Variants in TMEM87A observed in about 807,000 individuals in gnomAD.
TMEM87A encodes Golgi-pH regulating cation channel.
Under a neutral mutation model 90.0 loss-of-function variants are expected in TMEM87A, and 50 were observed. That is an observed-to-expected ratio of 0.56 (90% confidence interval 0.44 to 0.70). The LOEUF (loss-of-function observed/expected upper bound fraction) is 0.70. Ranked by LOEUF, TMEM87A falls within the 30% of genes least tolerant of loss-of-function variation. The pLI, the probability that TMEM87A is intolerant of heterozygous loss-of-function variation, is 0.00. For synonymous variants in TMEM87A, 226 were observed against 226.7 expected, an observed-to-expected ratio of 1.00 and a Z score of 0.03; for missense variants, 577 against 660.5, an observed-to-expected ratio of 0.87 and a Z score of 1.39.
chr15:42,268,619 A>G (rs1252477973), intron 2 of TMEM87A, among the ~76,000 whole-genome samples: 12 of 152,322 alleles, frequency 7.9e-5, no homozygotes, highest in East Asian at 1.9e-4. Flanking sequence ...GTGAGCCATG[A>G]TGGTACCACT....
At chr15:42,261,714 A>C (rs979735123) in intron 4 of TMEM87A, among the ~76,000 whole-genome samples, 2 of 151,232 alleles carry the variant, frequency 1.3e-5, no homozygotes, top group African/African-American at 4.9e-5. Context: ...GCTCACTGCA[A>C]GCTCCGCCTC....
Position 42,211,664 on chromosome 15 carries a change from C to T in TMEM87A, c.*44G>A, listed in dbSNP as rs755874503. 1.3e-6 allele frequency: 2 copies of T among 1,589,408 alleles called. No homozygotes were observed. The highest frequency in any genetic ancestry group is 4.5e-5 in the East Asian group (2 of 44,746). On this transcript the variant is annotated 3_prime_UTR_variant, in exon 20 of 20. Transcript: ENST00000389834. Reference sequence around the variant, plus strand: ...AGAAGACTGACACAGATGCTGATCTCTTCCCTGATGGTAGCCATCTTTAAC... The same window carrying T: ...AGAAGACTGACACAGATGCTGATCTTTTCCCTGATGGTAGCCATCTTTAAC...
rs1370908622 is a variant in TMEM87A, at chr15:42,273,360, A to G, written c.39T>C (p.Ile13=). The G allele has an allele frequency of 6.2e-7, 1 of 1,613,964 alleles. No individual in the cohort carries two copies. Among genetic ancestry groups the G allele is most frequent in the African/African-American group, 1.3e-5 (1 of 74,910 alleles). ...ACGGGTGAGCTCCCAGAAGCAGAAG[A>G]ATGACAGGCAACACCTGAAGCCACG... The part of the protein sequence containing the change: ...AAAWLQVLPV[I]LLLLGAHPSP... Residue 13 remains isoleucine (I), a synonymous_variant, in exon 1 of 20, where the codon ATT becomes ATC. Transcript: ENST00000389834.
intron 6 of TMEM87A, among the ~76,000 whole-genome samples, chr15:42,250,496 G>A (rs1015778357): frequency 4.6e-5 from 7 of 152,196 alleles, no homozygotes; most frequent in African/African-American, 1.7e-4. Context: ...TTGCTTGTCT[G>A]TAAAGGATTT....
At chr15:42,213,881 T>C (rs1044030994) in intron 19 of TMEM87A, among the ~76,000 whole-genome samples, 1 of 151,412 alleles carries the variant, frequency 6.6e-6, no homozygotes, top group Non-Finnish European at 1.5e-5. Context: ...AGAAGATAAA[T>C]CTCTGGAAAC....
chr15:42,227,417 CTTAAGA>C (rs967789944), intron 14 of TMEM87A, among the ~76,000 whole-genome samples: 2 of 152,096 alleles, frequency 1.3e-5, no homozygotes, highest in African/African-American at 4.8e-5. Flanking sequence ...CTCTGGACTT[CTTAAGA>C]TTTTTAGTTA....
At chr15:42,229,305 G>C (rs1376172298) in intron 12 of TMEM87A, among the ~76,000 whole-genome samples, 1 of 151,884 alleles carries the variant, frequency 6.6e-6, no homozygotes, top group Middle Eastern at 3.4e-3. Flanking sequence ...TACCTGGCCG[G>C]AAGTCATCAT....
At chr15:42,265,109 T>C (rs1290388757) in intron 3 of TMEM87A, among the ~76,000 whole-genome samples, 2 of 152,224 alleles carry the variant, frequency 1.3e-5, no homozygotes, top group Non-Finnish European at 2.9e-5. Context: ...CAGTTTACCA[T>C]TGATGGGCAT....
chr15:42,227,632 G>C, intron 14 of TMEM87A, 79 bp downstream of exon 14: 1 of 1,349,160 alleles, frequency 7.4e-7, no homozygotes, highest in Non-Finnish European at 1.1e-6. Flanking sequence ...ATATAACTTA[G>C]AAGAACCTTA....
At chr15:42,266,916 C>T (rs555938527) in intron 3 of TMEM87A, among the ~76,000 whole-genome samples, 1 of 152,134 alleles carries the variant, frequency 6.6e-6, no homozygotes, top group East Asian at 1.9e-4. Context: ...GAAAGAATGA[C>T]TGAAAAACTA....
At chr15:42,242,875 A>G (rs1221939675) in intron 7 of TMEM87A, among the ~76,000 whole-genome samples, 1 of 152,308 alleles carries the variant, frequency 6.6e-6, no homozygotes, top group East Asian at 1.9e-4. Flanking sequence ...TAAACACAGT[A>G]CTTAATGGTG....
In TMEM87A at chr15:42,273,423, G is replaced by C; in HGVS notation, c.-25C>G. 4 of 1,613,156 alleles carry C rather than the reference G, an allele frequency of 2.5e-6. No individual in the cohort carries two copies. The highest frequency in any genetic ancestry group is 3.4e-6 in the Non-Finnish European group (4 of 1,179,798). On this transcript the variant is annotated 5_prime_UTR_variant, in exon 1 of 20. Transcript: ENST00000389834. ...TCTTCACAGCCGTGGAGTGCCTACC[G>C]AAAGCATTTCACCCTCTTCCGGTTC...
At chr15:42,263,183 T>C (rs937425695) in intron 4 of TMEM87A, among the ~76,000 whole-genome samples, 2 of 152,136 alleles carry the variant, frequency 1.3e-5, no homozygotes, top group Non-Finnish European at 2.9e-5. Flanking sequence ...AAAAACAAAA[T>C]GTGGTACATA....
At position 42,263,968 on chromosome 15, in the gene TMEM87A, A is replaced by C. The variant is rs142990078; in HGVS notation, c.405+122T>G. 4.0e-3 allele frequency: 2,720 copies of C among 687,998 alleles called. 21 individuals carry two copies. Among genetic ancestry groups the C allele is most frequent in the Non-Finnish European group, 3.9e-3 (1,537 of 397,050 alleles). The allele number at this position is 687,998 out of a possible 1,614,324, so 42.6% of individuals were successfully genotyped here. On this transcript the variant is annotated intron_variant, in intron 4 of 19. Coordinates refer to ENST00000389834, the MANE Select transcript of TMEM87A (RefSeq NM_015497.5). ...AGTGGCTGACTATGTACCTATCAGA[A>C]CATGCTTCCACTTACTTCTGCCAAA...
At chr15:42,256,657 A>T (rs1491003623) in intron 6 of TMEM87A, among the ~76,000 whole-genome samples, 5 of 152,232 alleles carry the variant, frequency 3.3e-5, no homozygotes, top group Non-Finnish European at 7.3e-5. Flanking sequence ...CACAGAAGAC[A>T]ACTGAAGAAA....
chr15:42,212,195 A>G (rs2050301594), intron 19 of TMEM87A, among the ~76,000 whole-genome samples: 1 of 152,198 alleles, frequency 6.6e-6, no homozygotes, highest in South Asian at 2.1e-4. Context: ...CACTTTTTAA[A>G]AATCATGTAA....
chr15:42,266,096 T>TTTGTGTCTGTTTTG (rs2051397945), intron 3 of TMEM87A, among the ~76,000 whole-genome samples: 1 of 152,242 alleles, frequency 6.6e-6, no homozygotes, highest in Admixed American at 6.5e-5. Flanking sequence ...ACTGTAGCCC[T>TTTGTGTCTGTTTTG]GTAGTACAGT....
chr15:42,232,117 T>C (rs1044117046), intron 11 of TMEM87A, among the ~76,000 whole-genome samples: 1 of 152,228 alleles, frequency 6.6e-6, no homozygotes, highest in Admixed American at 6.5e-5. Context: ...TTTTACAATA[T>C]TGAATCTAAT....
chr15:42,258,888 GA>G, intron 6 of TMEM87A: 2 of 1,477,258 alleles, frequency 1.4e-6, no homozygotes, highest in Non-Finnish European at 1.8e-6. Context: ...TAAAAGCAAC[GA>G]AAACACTGGC....
Sources: gnomAD v4.1 joint callset for allele counts (sites outside exome capture counted in the v4.1 genomes callset) on GRCh38, gnomAD v4.1.1 for gene constraint, MANE v1.5 for transcripts, NCBI Gene and HGNC (gene_info 2026-07-23, HGNC 2026-07-21) for gene names.